SLC7A14: variants seen among roughly 807,000 people sequenced by gnomAD.
SLC7A14 encodes gamma-aminobutyric acid transporter SLC7A14.
A neutral mutation model predicts 60.2 loss-of-function variants in SLC7A14; 37 were observed. That is an observed-to-expected ratio of 0.61 (90% CI 0.47 to 0.81). The LOEUF (loss-of-function observed/expected upper bound fraction) is 0.81, where lower values mean the gene tolerates loss of function less well. Ranked by LOEUF, SLC7A14 falls within the 30% of genes least tolerant of loss-of-function variation. SLC7A14 has a pLI of 0.00. For missense variants in SLC7A14, 886 were observed against 982.7 expected, an observed-to-expected ratio of 0.90 and a Z score of 1.32; for synonymous variants, 399 against 395.8, an observed-to-expected ratio of 1.01 and a Z score of -0.10.
chr3:170,489,163 G>T (rs1278703552), intron 4 of SLC7A14, among the ~76,000 whole-genome samples: 1 of 152,176 alleles, frequency 6.6e-6, no homozygotes, highest in Non-Finnish European at 1.5e-5. Flanking sequence ...CCAACAAAGT[G>T]AAGAGACAAC....
rs1739632990 is a variant in SLC7A14 at position 170,462,738 on chromosome 3, A to AT, written c.*4316_*4317insA. 1 of 151,762 alleles carries AT rather than the reference A, an allele frequency of 6.6e-6. No individual in the cohort carries two copies. The highest frequency in any genetic ancestry group is 2.1e-4 in the South Asian group (1 of 4,790). 9.4% of individuals were successfully genotyped at this position (151,762 alleles called of 1,614,324 possible). On this transcript the variant is annotated 3_prime_UTR_variant, in exon 8 of 8. Transcript: ENST00000231706. ...AGAATGAGACTCTGTCTAAAAAAAA[A>AT]AAAGTAGCACTCAAGCTCAGTAAAA...
intron 4 of SLC7A14, among the ~76,000 whole-genome samples, chr3:170,488,655 T>G (rs952907906): frequency 3.9e-5 from 6 of 152,198 alleles, no homozygotes; most frequent in Non-Finnish European, 5.9e-5. Flanking sequence ...GGCAGAAGAA[T>G]GAAACTAGAC....
chr3:170,475,720 C>CT (rs965790399), intron 7 of SLC7A14, among the ~76,000 whole-genome samples: 12 of 148,560 alleles, frequency 8.1e-5, no homozygotes, highest in African/African-American at 1.2e-4. Context: ...AATCACATTT[C>CT]TTTTTTTTTT....
intron 1 of SLC7A14, among the ~76,000 whole-genome samples, chr3:170,554,878 T>C (rs1027929683): frequency 3.3e-5 from 5 of 152,140 alleles, no homozygotes; most frequent in African/African-American, 1.2e-4. Context: ...TAAAAAAATA[T>C]TGCTTGTGGG....
At chr3:170,495,531 G>A in intron 4 of SLC7A14, 1 of 734,880 alleles carries the variant, frequency 1.4e-6, no homozygotes, top group South Asian at 1.6e-5. Context: ...TGGGCCTGGT[G>A]CCCACATCAG....
intron 1 of SLC7A14, among the ~76,000 whole-genome samples, chr3:170,530,484 G>A (rs1380416963): frequency 2.6e-5 from 4 of 152,278 alleles, no homozygotes; most frequent in South Asian, 2.1e-4. Context: ...CCTGGGCTCC[G>A]TGGGGCTCTC....
At chr3:170,570,541 G>C (rs535200727) in intron 1 of SLC7A14, 1 of 152,108 alleles carries the variant, frequency 6.6e-6, no homozygotes. Context: ...GGCTTGGTGC[G>C]GTTGGGATCC....
intron 2 of SLC7A14, among the ~76,000 whole-genome samples, chr3:170,510,056 C>A (rs139340187): frequency 0.031 from 3,470 of 112,664 alleles, 147 homozygotes; most frequent in African/African-American, 0.11. Flanking sequence ...CCAGCCTGGA[C>A]AAGAGCAAAA....
chr3:170,515,320 C>CA (rs71176571), intron 2 of SLC7A14, among the ~76,000 whole-genome samples: 3,059 of 124,724 alleles, frequency 0.025, 36 homozygotes, highest in Middle Eastern at 0.066. Context: ...CCGCCCCCCC[C>CA]AAAAAAAAAA....
rs757814792 is a variant in SLC7A14 at position 170,486,239 on chromosome 3, G to A, written c.889C>T (p.Leu297=). The A allele has an allele frequency of 6.2e-7, 1 of 1,614,198 alleles. No homozygotes were observed. Among genetic ancestry groups the A allele is most frequent in the Non-Finnish European group, 8.5e-7 (1 of 1,180,040 alleles). ...GTACTTACAGACACATATGCTGTCA[G>A]GCAGATGACCAGGGAGGCAGTGATA... is the stretch of plus-strand genomic sequence containing the variant. ...YAITASLVIC[L]TAYVSVSVIL... The change falls in exon 5 of 8, where the codon CTG becomes TTG. Residue 297 remains leucine, a synonymous_variant. Transcript: ENST00000231706.
At chr3:170,561,412 G>A (rs1714645420) in intron 1 of SLC7A14, among the ~76,000 whole-genome samples, 1 of 152,172 alleles carries the variant, frequency 6.6e-6, no homozygotes, top group South Asian at 2.1e-4. Flanking sequence ...GGTCCTACTG[G>A]GGTGTCATGA....
intron 1 of SLC7A14, among the ~76,000 whole-genome samples, chr3:170,533,656 T>A (rs1713745967): frequency 7.2e-6 from 1 of 139,098 alleles, no homozygotes; most frequent in South Asian, 2.1e-4. Context: ...GCCCAGTGTG[T>A]GTGTGTGTGT....
At chr3:170,503,625 A>G (rs528023990) in intron 2 of SLC7A14, among the ~76,000 whole-genome samples, 2 of 152,360 alleles carry the variant, frequency 1.3e-5, no homozygotes, top group South Asian at 2.1e-4. Context: ...CTGATATTGT[A>G]CAAGATTTAT....
chr3:170,509,955 G>A (rs1009938702), intron 2 of SLC7A14, among the ~76,000 whole-genome samples: 4 of 151,522 alleles, frequency 2.6e-5, no homozygotes, highest in Non-Finnish European at 4.4e-5. Context: ...ATGCATGCCT[G>A]TAATTCCAGC....
intron 2 of SLC7A14, among the ~76,000 whole-genome samples, chr3:170,504,466 A>G (rs1414253795): frequency 6.6e-6 from 1 of 152,020 alleles, no homozygotes; most frequent in Non-Finnish European, 1.5e-5. Context: ...GACTACAGGC[A>G]TGCACCACTA....
chr3:170,539,183 C>A (rs1228744731), intron 1 of SLC7A14, among the ~76,000 whole-genome samples: 1 of 152,214 alleles, frequency 6.6e-6, no homozygotes, highest in Non-Finnish European at 1.5e-5. Context: ...CTTGGTTCAG[C>A]CACACTGACT....
rs1739736458 is a variant in SLC7A14 at position 170,467,096 on chromosome 3, C to T, written c.2275G>A (p.Ala759Thr). The T allele has an allele frequency of 5.0e-6, 8 of 1,613,728 alleles. No homozygotes were observed. Among genetic ancestry groups the T allele is most frequent in the Non-Finnish European group, 6.8e-6 (8 of 1,179,860 alleles). The change falls in exon 8 of 8, where the codon GCC becomes ACC. Residue 759 changes from alanine (A) to threonine (T), a missense_variant. Ala to Thr is a moderately conservative substitution (Grantham distance 58). Transcript: ENST00000231706. ...TCTAACTCATCATTTGCAATCAGGG[C>T]CTCTGAGTTCTGTTTGTGTTTGCTT... ...SKSKHKQNSE[A>T]LIANDELDYS...
At position 170,462,294 on chromosome 3, in the gene SLC7A14, GGTA is replaced by G. The variant is rs1416275670; in HGVS notation, c.*4758_*4760del. 2 of 152,118 alleles carry G rather than the reference GGTA, an allele frequency of 1.3e-5. No individual in the cohort carries two copies. The highest frequency in any genetic ancestry group is 4.8e-5 in the African/African-American group (2 of 41,406). The allele number at this position is 152,118 out of a possible 1,614,324, so 9.4% of individuals were successfully genotyped here. A position where few individuals can be genotyped will look rare whatever the true frequency, so the allele number is the denominator to read the frequency against. ...GCAGATAAGAGGTGGTTTCTTGTAA[GGTA>G]GACTTCCAACAAATGTTGGATGTCT... On this transcript the variant is annotated 3_prime_UTR_variant, in exon 8 of 8. Coordinates refer to ENST00000231706, the MANE Select transcript of SLC7A14 (RefSeq NM_020949.3).
At chr3:170,554,752 G>T (rs533233210) in intron 1 of SLC7A14, among the ~76,000 whole-genome samples, 4 of 152,300 alleles carry the variant, frequency 2.6e-5, no homozygotes, top group African/African-American at 9.6e-5. Context: ...GATGCAAAAA[G>T]AATGAAGTTT....
Sources: allele counts gnomAD v4.1 joint callset (sites outside exome capture counted in the v4.1 genomes callset), GRCh38; gene constraint gnomAD v4.1.1; transcripts MANE v1.5; gene names NCBI Gene and HGNC (gene_info 2026-07-23, HGNC 2026-07-21).